Variants in YKT6 observed in about 807,000 individuals in gnomAD.
YKT6 encodes synaptobrevin homolog YKT6.
A neutral mutation model predicts 29.3 loss-of-function variants in YKT6; 12 were observed. The observed-to-expected ratio is 0.41, with a 90% CI of 0.26 to 0.66. The LOEUF is 0.66. Ranked by LOEUF, YKT6 falls within the 30% of genes least tolerant of loss-of-function variation. The pLI is 0.32. For synonymous variants in YKT6, 86 were observed against 94.3 expected, an observed-to-expected ratio of 0.91 and a Z score of 0.51; for missense variants, 188 against 243.8, an observed-to-expected ratio of 0.77 and a Z score of 1.52.
At chr7:44,208,022 C>A in intron 4 of YKT6, 111 bp from the exon 5 acceptor site, 1 of 1,161,130 alleles carries the variant, frequency 8.6e-7, no homozygotes, top group Non-Finnish European at 1.3e-6. Context: ...CTGTGCCCGG[C>A]CCAGGCTGTG....
intron 1 of YKT6, among the ~76,000 whole-genome samples, chr7:44,201,465 T>G (rs1469541292): frequency 6.6e-6 from 1 of 152,014 alleles, no homozygotes; most frequent in Non-Finnish European, 1.5e-5. Context: ...CCGGGCTTGG[T>G]CTCCTATAAT....
intron 5 of YKT6, 145 bp downstream of exon 5, chr7:44,208,343 ACC>A: frequency 1.3e-6 from 1 of 786,336 alleles, no homozygotes; most frequent in Non-Finnish European, 2.1e-6. Flanking sequence ...CCCTTCCCCC[ACC>A]CCGGGCATCA....
chr7:44,207,149 G>A (rs551937653), intron 3 of YKT6, among the ~76,000 whole-genome samples: 1 of 152,134 alleles, frequency 6.6e-6, no homozygotes, highest in Non-Finnish European at 1.5e-5. Flanking sequence ...GGTTCATCTC[G>A]GGCTGGGCAT....
chr7:44,206,528 G>C, intron 3 of YKT6, 43 bp downstream of exon 3: 1 of 1,549,282 alleles, frequency 6.5e-7, no homozygotes. Context: ...ATGATGAATG[G>C]GCACATTTAT....
In YKT6 at chr7:44,212,372, G is replaced by A. The variant is rs1223533792; in HGVS notation, c.*90G>A. ...GAAAAGAAGAGACAGCCATAGACGA[G>A]GAGCCAGAGTGGGGGCAGACTGGCC... On this transcript the variant is annotated 3_prime_UTR_variant, in exon 7 of 7. Coordinates refer to ENST00000223369, the MANE Select transcript of YKT6 (RefSeq NM_006555.4). 11 of 1,546,916 alleles carry A rather than the reference G, an allele frequency of 7.1e-6. No homozygotes were observed. Among genetic ancestry groups the A allele is most frequent in the South Asian group, 2.3e-5 (2 of 87,482 alleles).
chr7:44,209,653 G>C (rs2096344601), intron 5 of YKT6, among the ~76,000 whole-genome samples: 1 of 152,234 alleles, frequency 6.6e-6, no homozygotes, highest in Admixed American at 6.5e-5. Flanking sequence ...GCTGTGTGTA[G>C]GGATGAAGGA....
chr7:44,212,986 G>A lies in YKT6; in HGVS notation c.*704G>A, dbSNP rs1346769858. The A allele has an allele frequency of 5.6e-4, 86 of 152,276 alleles. No homozygotes were observed. Among genetic ancestry groups the A allele is most frequent in the Admixed American group, 5.6e-3 (86 of 15,286 alleles). The allele number at this position is 152,276 out of a possible 1,614,324, so 9.4% of individuals were successfully genotyped here. A position where few individuals can be genotyped will look rare whatever the true frequency, so the allele number is the denominator to read the frequency against. On this transcript the variant is annotated 3_prime_UTR_variant, in exon 7 of 7. Transcript: ENST00000223369. ...GGATTTGGAAGGAGCTGCATTGTGG[G>A]CGGGGAGTGTGTGGGTTGGGTTCGT...
chr7:44,208,179 A>C lies in YKT6; in HGVS notation c.440A>C (p.Asp147Ala). 6.2e-7 allele frequency: 1 copy of C among 1,614,070 alleles called. No homozygotes were observed. Residue 147 changes from aspartate to alanine, a missense_variant, in exon 5 of 7, where the codon GAT (aspartate) becomes GCT (alanine). Asp to Ala is a moderately radical substitution (Grantham distance 126). This residue lies in a region of YKT6 where 100 missense variants were observed against 136.3 expected (regional missense o/e 0.73). Transcript: ENST00000223369. ...DPMTKVQAEL[D>A]ETKIILHNTM... ...ATGACTAAAGTGCAGGCCGAACTAG[A>C]TGAGACCAAAATCATTCTGGTAAGC...
At chr7:44,210,755 G>T in intron 5 of YKT6, 1 of 537,604 alleles carries the variant, frequency 1.9e-6, no homozygotes, top group Non-Finnish European at 3.5e-6. Context: ...TGGAGTGCTG[G>T]TTATCTAAGC....
Position 44,212,311 on chromosome 7 carries a change from A to G in YKT6, c.*29A>G, listed in dbSNP as rs1320505723. 3.1e-6 allele frequency: 5 copies of G among 1,612,822 alleles called. No individual in the cohort carries two copies. The highest frequency in any genetic ancestry group is 1.1e-5 in the South Asian group (1 of 90,990). On this transcript the variant is annotated 3_prime_UTR_variant, in exon 7 of 7. Coordinates refer to ENST00000223369, the MANE Select transcript of YKT6 (RefSeq NM_006555.4). ...AGCCTGCCAGAGGCCCAATGCTGGA[A>G]TGGCACCATCATTCACATCAGAACT... is the stretch of plus-strand genomic sequence containing the variant.
rs566012476 is a variant in YKT6, at chr7:44,206,539, G to A, written c.288+54G>A. 1.3e-4 allele frequency: 193 copies of A among 1,481,640 alleles called. 1 individual carries two copies. In the African/African-American group the frequency reaches 2.2e-3, roughly 17 times the overall value. 91.8% of individuals were successfully genotyped at this position (1,481,640 alleles called of 1,614,324 possible). A position where few individuals can be genotyped will look rare whatever the true frequency, so the allele number is the denominator to read the frequency against. ...TTGGATGATGAATGGGCACATTTATGGACTGGGACAGGGGTTGATGGCAGT... is the reference window on the plus strand; with the variant it reads ...TTGGATGATGAATGGGCACATTTATAGACTGGGACAGGGGTTGATGGCAGT... On this transcript the variant is annotated intron_variant, in intron 3 of 6. Coordinates refer to ENST00000223369, the MANE Select transcript of YKT6 (RefSeq NM_006555.4).
At position 44,211,097 on chromosome 7, in the gene YKT6, A is replaced by C. The variant is rs746248975; in HGVS notation, c.534A>C (p.Gly178=). 8.1e-6 allele frequency: 13 copies of C among 1,613,998 alleles called. No homozygotes were observed. Among genetic ancestry groups the C allele is most frequent in the Non-Finnish European group, 1.1e-5 (13 of 1,180,026 alleles). Residue 178 remains glycine (G), a synonymous_variant, in exon 6 of 7, where the codon GGA becomes GGC. Coordinates refer to ENST00000223369, the MANE Select transcript of YKT6 (RefSeq NM_006555.4). ...DDLVSKSEVL[G]TQSKAFYKTA... is the part of the protein sequence containing the mutation. ...TGGTGTCCAAATCCGAGGTGCTGGGAACACAGTCTAAAGCCTTCTATAAAA... is the reference window on the plus strand; with the variant it reads ...TGGTGTCCAAATCCGAGGTGCTGGGCACACAGTCTAAAGCCTTCTATAAAA...
intron 1 of YKT6, among the ~76,000 whole-genome samples, chr7:44,202,959 G>A (rs1167479128): frequency 2.0e-5 from 3 of 152,068 alleles, no homozygotes; most frequent in Non-Finnish European, 4.4e-5. Flanking sequence ...AAGATTCTCA[G>A]AGATTTCACT....
chr7:44,207,312 C>T, intron 3 of YKT6, 76 bp from the exon 4 acceptor site: 1 of 1,316,042 alleles, frequency 7.6e-7, no homozygotes, highest in South Asian at 1.2e-5. Flanking sequence ...GTGAGGTGCT[C>T]AGGGGTGAAG....
At chr7:44,204,353 C>T (rs777186001) in intron 1 of YKT6, among the ~76,000 whole-genome samples, 5 of 152,124 alleles carry the variant, frequency 3.3e-5, no homozygotes, top group Non-Finnish European at 7.4e-5. Flanking sequence ...TTTTGGTGAG[C>T]CAGGTAGCAA....
chr7:44,206,279 G>T, intron 2 of YKT6, 106 bp from the exon 3 acceptor site: 1 of 1,130,148 alleles, frequency 8.8e-7, no homozygotes, highest in Non-Finnish European at 1.3e-6. Context: ...TTGAGCTTCC[G>T]AGTGGCTTCA....
chr7:44,205,841 A>AC (rs2096340280), intron 2 of YKT6, among the ~76,000 whole-genome samples: 1 of 151,810 alleles, frequency 6.6e-6, no homozygotes. Flanking sequence ...TTCTAGACTA[A>AC]CCCCCCTACT....
rs575609474 is a variant in YKT6 at position 44,202,854 on chromosome 7, A to G, written c.104+1615A>G. Among the ~76,000 whole-genome samples the G allele has an allele frequency of 4.3e-4, 65 of 152,330 alleles. No homozygotes were observed. The South Asian group carries it at 0.013, about 30-fold the overall frequency. ...GTCTTTGCAGTCTTTACCATGGCCT[A>G]CATTCACTGCTCTGTGTTGTTGCTT... On this transcript the variant is annotated intron_variant, in intron 1 of 6. Transcript: ENST00000223369.
Position 44,212,413 on chromosome 7 carries a change from T to G in YKT6, c.*131T>G. 8.6e-7 allele frequency: 1 copy of G among 1,165,968 alleles called. No individual in the cohort carries two copies. Among genetic ancestry groups the G allele is most frequent in the Non-Finnish European group, 1.2e-6 (1 of 805,218 alleles). The allele number at this position is 1,165,968 out of a possible 1,614,324, so 72.2% of individuals were successfully genotyped here. Reference sequence around the variant, plus strand: ...CAGACTGGCCATTTTTATTTTGAAGTTCCTGCGAGAAATGGATGGTGGAAG... The same window carrying G: ...CAGACTGGCCATTTTTATTTTGAAGGTCCTGCGAGAAATGGATGGTGGAAG... On this transcript the variant is annotated 3_prime_UTR_variant, in exon 7 of 7. Transcript: ENST00000223369.
Sources: gnomAD v4.1 joint callset for allele counts (sites outside exome capture counted in the v4.1 genomes callset) on GRCh38, gnomAD v4.1.1 for gene constraint, gnomAD v4.1.1 regional missense constraint, MANE v1.5 for transcripts, NCBI Gene and HGNC (gene_info 2026-07-23, HGNC 2026-07-21) for gene names.